The following ASXL2 variants were observed in gnomAD, a reference collection of about 807,000 sequenced individuals.
ASXL2 encodes putative Polycomb group protein ASXL2.
A neutral mutation model predicts 122.0 loss-of-function variants in ASXL2; 23 were observed. The ratio of observed to expected loss-of-function variants is 0.19; its 90% CI spans 0.14 to 0.27. The LOEUF is 0.27. Ranked by LOEUF, ASXL2 falls within the 10% of genes least tolerant of loss-of-function variation. The probability of loss-of-function intolerance (pLI) is 1.00; values close to 1 mark genes in which losing one functional copy is unlikely to be tolerated. For missense variants in ASXL2, 1,518 were observed against 1,713.8 expected (o/e 0.89, Z 2.02); for synonymous variants, 650 against 637.0 (o/e 1.02, Z -0.31).
chr2:25,803,735 C>T (rs760786039), intron 4 of ASXL2, among the ~76,000 whole-genome samples: 4 of 152,200 alleles, frequency 2.6e-5, no homozygotes, highest in Admixed American at 1.3e-4. Flanking sequence ...GTACGCACTC[C>T]TACAAGAATC....
intron 3 of ASXL2, among the ~76,000 whole-genome samples, chr2:25,821,720 AC>A (rs1426133552): frequency 6.6e-6 from 1 of 152,242 alleles, no homozygotes; most frequent in Non-Finnish European, 1.5e-5. Context: ...CACTTGACTA[AC>A]CAAAGGAAAA....
At chr2:25,849,073 A>ATATATATATATATATATATATATATATG (rs1178062623) in intron 1 of ASXL2, among the ~76,000 whole-genome samples, 7 of 140,602 alleles carry the variant, frequency 5.0e-5, no homozygotes, top group African/African-American at 1.6e-4. Context: ...ACATATATAT[A>ATATATATATATATATATATATATATATG]TATGGAATAT....
At chr2:25,829,467 T>G (rs1267060401) in intron 3 of ASXL2, among the ~76,000 whole-genome samples, 1 of 152,054 alleles carries the variant, frequency 6.6e-6, no homozygotes, top group African/African-American at 2.4e-5. Context: ...AGACAGAAAT[T>G]TCGCAATTTT....
At chr2:25,807,470 A>G (rs2176181) in intron 3 of ASXL2, among the ~76,000 whole-genome samples, 48,772 of 152,120 alleles carry the variant, frequency 0.32, 8,353 homozygotes, top group African/African-American at 0.41. Flanking sequence ...AGAAGAAACT[A>G]TTGAGCATTT....
chr2:25,841,746 G>C (rs2089582166), intron 2 of ASXL2, among the ~76,000 whole-genome samples: 1 of 152,036 alleles, frequency 6.6e-6, no homozygotes, highest in African/African-American at 2.4e-5. Context: ...AGGAGATCGA[G>C]ACCATCCTGG....
chr2:25,796,073 G>C (rs1200860961), intron 5 of ASXL2, among the ~76,000 whole-genome samples: 1 of 152,180 alleles, frequency 6.6e-6, no homozygotes, highest in Non-Finnish European at 1.5e-5. Context: ...TGATTACAAA[G>C]TTCGCTCAAA....
chr2:25,844,906 C>T (rs970789361), intron 2 of ASXL2, among the ~76,000 whole-genome samples: 5 of 152,128 alleles, frequency 3.3e-5, no homozygotes, highest in African/African-American at 9.6e-5. Context: ...CAAACAGCTG[C>T]GATCACAAGC....
chr2:25,869,984 C>T (rs1277210048), intron 1 of ASXL2, among the ~76,000 whole-genome samples: 1 of 151,202 alleles, frequency 6.6e-6, no homozygotes, highest in East Asian at 1.9e-4. Flanking sequence ...TGTCTGTGGT[C>T]CCAGCCACTT....
chr2:25,787,443 T>A (rs1016812539), intron 5 of ASXL2, among the ~76,000 whole-genome samples: 6 of 152,240 alleles, frequency 3.9e-5, no homozygotes, highest in African/African-American at 1.4e-4. Flanking sequence ...GGTAGCCATA[T>A]TGCTTACTCT....
chr2:25,829,511 T>C (rs1248081976), intron 3 of ASXL2, among the ~76,000 whole-genome samples: 1 of 152,230 alleles, frequency 6.6e-6, no homozygotes, highest in Non-Finnish European at 1.5e-5. Context: ...CTTGTTGATT[T>C]AGCAAACAGA....
rs2087914623 is a variant in ASXL2, at chr2:25,744,926, TTC to T, written c.1861-452_1861-451del. Among the ~76,000 whole-genome samples, 1 of 142,908 alleles carries T rather than the reference TTC, an allele frequency of 7.0e-6. No individual in the cohort carries two copies. Among genetic ancestry groups the T allele is most frequent in the Non-Finnish European group, 1.5e-5 (1 of 65,840 alleles). 93.8% of individuals were successfully genotyped at this position (142,908 alleles called of 152,430 possible). On this transcript the variant is annotated intron_variant, in intron 12 of 12. Coordinates refer to ENST00000435504, the MANE Select transcript of ASXL2 (RefSeq NM_018263.6). The surrounding 1 kb of genome is among the most constrained non-coding windows in gnomAD (Gnocchi z 4.7). ...AAGGTCCAGGGGAAAATACTTGCTC[TTC>T]TCTGTTCCACACACACACACACACA...
At chr2:25,831,460 G>A (rs150261481) in intron 3 of ASXL2, among the ~76,000 whole-genome samples, 105 of 152,156 alleles carry the variant, frequency 6.9e-4, no homozygotes, top group Non-Finnish European at 1.1e-3. Context: ...CAGGTATTGC[G>A]CTGGGCAACA....
intron 1 of ASXL2, among the ~76,000 whole-genome samples, chr2:25,869,038 G>A (rs990428548): frequency 2.6e-5 from 4 of 151,942 alleles, no homozygotes; most frequent in Non-Finnish European, 2.9e-5. Context: ...GGTGGCAGAC[G>A]CCTGTAATCC....
Position 25,799,367 on chromosome 2 carries a change from AG to A in ASXL2, c.403+17del, listed in dbSNP as rs776746699. ...CCTACAGCATTTAGTACTTTATTGA[AG>A]GATCAGGTGGATTTACCTTTCCTTT... On this transcript the variant is annotated intron_variant, in intron 5 of 12. Coordinates refer to ENST00000435504, the MANE Select transcript of ASXL2 (RefSeq NM_018263.6). 29 of 1,613,832 alleles carry A rather than the reference AG, an allele frequency of 1.8e-5. No homozygotes were observed. The highest frequency in any genetic ancestry group is 2.3e-5 in the Non-Finnish European group (27 of 1,179,864).
chr2:25,834,099 T>A (rs541923359), intron 3 of ASXL2, among the ~76,000 whole-genome samples: 1 of 152,266 alleles, frequency 6.6e-6, no homozygotes, highest in South Asian at 2.1e-4. Context: ...ACGCTTGTAA[T>A]CCCAGCACTT....
At chr2:25,875,693 G>A (rs998536223) in intron 1 of ASXL2, among the ~76,000 whole-genome samples, 2 of 152,004 alleles carry the variant, frequency 1.3e-5, no homozygotes, top group African/African-American at 2.4e-5. Flanking sequence ...TCTAAAACAT[G>A]ATAGCTCTAC....
At chr2:25,806,168 T>C in intron 4 of ASXL2, 61 bp downstream of exon 4, 1 of 1,073,778 alleles carries the variant, frequency 9.3e-7, no homozygotes. Context: ...ACGAGTCAAA[T>C]ATTTATATGT....
At chr2:25,877,069 C>T (rs1421999382) in intron 1 of ASXL2, among the ~76,000 whole-genome samples, 1 of 152,086 alleles carries the variant, frequency 6.6e-6, no homozygotes, top group African/African-American at 2.4e-5. Context: ...AATTTCCCCA[C>T]AGTGAACATT....
chr2:25,846,626 C>G (rs1371100110), intron 1 of ASXL2, among the ~76,000 whole-genome samples: 2 of 151,032 alleles, frequency 1.3e-5, no homozygotes, highest in African/African-American at 2.4e-5. Context: ...CCATCCTGGG[C>G]AACAGAGCGA....
Sources: gnomAD v4.1 joint callset for allele counts (sites outside exome capture counted in the v4.1 genomes callset) on GRCh38, gnomAD v4.1.1 for gene constraint, Gnocchi (gnomAD v3.1) non-coding constraint, MANE v1.5 for transcripts, NCBI Gene and HGNC (gene_info 2026-07-23, HGNC 2026-07-21) for gene names.